REEP5: variants seen among roughly 807,000 people sequenced by gnomAD.
REEP5 encodes the protein receptor expression-enhancing protein 5.
A neutral mutation model predicts 22.4 loss-of-function variants in REEP5; 24 were observed. The ratio of observed to expected loss-of-function variants is 1.07; its 90% CI spans 0.78 to 1.51. The LOEUF (loss-of-function observed/expected upper bound fraction) is 1.51. Among genes scored for constraint, REEP5 ranks in the 40% most tolerant of loss-of-function variants. REEP5 has a pLI of 0.00. For missense variants in REEP5, 252 were observed against 233.0 expected (o/e 1.08, Z -0.53); for synonymous variants, 103 against 88.6 (o/e 1.16, Z -0.92).
At chr5:112,892,249 A>G (rs766355052) in intron 3 of REEP5, 1 of 1,614,010 alleles carries the variant, frequency 6.2e-7, no homozygotes, top group African/African-American at 1.3e-5. Context: ...ATCTAGTCCT[A>G]CCCTTCTTAT....
chr5:112,899,811 GT>G (rs1318622157), intron 3 of REEP5, among the ~76,000 whole-genome samples: 1 of 152,192 alleles, frequency 6.6e-6, no homozygotes, highest in African/African-American at 2.4e-5. Context: ...GACTAAAAGT[GT>G]TTCGGGTTTC....
intron 3 of REEP5, among the ~76,000 whole-genome samples, chr5:112,887,860 A>G (rs950427564): frequency 6.6e-6 from 1 of 152,150 alleles, no homozygotes; most frequent in African/African-American, 2.4e-5. Flanking sequence ...TGTCCAAAAA[A>G]TTTTTACTGT....
At chr5:112,892,863 G>C (rs61733662) in intron 3 of REEP5, 7 of 1,613,332 alleles carry the variant, frequency 4.3e-6, no homozygotes, top group Middle Eastern at 1.7e-4. Flanking sequence ...GTAGTCATAG[G>C]GGGAAGAAAT....
chr5:112,901,997 AAGAC>A lies in REEP5; in HGVS notation c.351+379_351+382del, dbSNP rs1768860428. ...AAAAAAAAAAAAAAGGCTAAGACCA[AAGAC>A]AAAAAGAATTATATATCCATAATTA... is the stretch of plus-strand genomic sequence containing the variant. On this transcript the variant is annotated intron_variant, in intron 3 of 4. Coordinates refer to ENST00000379638, the MANE Select transcript of REEP5 (RefSeq NM_005669.5). Among the ~76,000 whole-genome samples the A allele has an allele frequency of 3.3e-5, 5 of 151,974 alleles. No individual in the cohort carries two copies. In the South Asian group the frequency reaches 1.0e-3, roughly 32 times the overall value.
chr5:112,876,489 C>T lies in REEP5; in HGVS notation c.*2297G>A, dbSNP rs1253264607. The T allele has an allele frequency of 1.3e-5, 2 of 152,212 alleles. No homozygotes were observed. The highest frequency in any genetic ancestry group is 2.9e-5 in the Non-Finnish European group (2 of 68,046). The allele number at this position is 152,212 out of a possible 1,614,324, so 9.4% of individuals were successfully genotyped here. A position where few individuals can be genotyped will look rare whatever the true frequency, so the allele number is the denominator to read the frequency against. ...TGAAGGGTGTGCTCATTTTCTTCAG[C>T]TGTGAGTAGAGGAGTCTTCCCGAGA... is the stretch of plus-strand genomic sequence containing the variant. On this transcript the variant is annotated 3_prime_UTR_variant, in exon 5 of 5. Transcript: ENST00000379638.
Position 112,893,114 on chromosome 5 carries a change from A to G in REEP5, c.352-5931T>C, listed in dbSNP as rs1199027778. ...GTTCTTAAAAAAAAAAAAAAAAAAA[A>G]AAAGAATGGACCAGGCCAGGTATAG... On this transcript the variant is annotated intron_variant, in intron 3 of 4. Coordinates refer to ENST00000379638, the MANE Select transcript of REEP5 (RefSeq NM_005669.5). 3 of 909,808 alleles carry G rather than the reference A, an allele frequency of 3.3e-6. 1 individual carries two copies. The highest frequency in any genetic ancestry group is 3.6e-5 in the African/African-American group (2 of 56,322). The allele number at this position is 909,808 out of a possible 1,614,324, so 56.4% of individuals were successfully genotyped here.
At chr5:112,920,342 G>C (rs1040635079) in intron 2 of REEP5, among the ~76,000 whole-genome samples, 1 of 152,066 alleles carries the variant, frequency 6.6e-6, no homozygotes, top group African/African-American at 2.4e-5. Flanking sequence ...TTATCCCTAT[G>C]GTTGAAGAAA....
chr5:112,896,720 GGTCAGGA>G (rs1768690649), intron 3 of REEP5: 3 of 151,838 alleles, frequency 2.0e-5, no homozygotes. Flanking sequence ...TGGATCACAA[GGTCAGGA>G]GTTGAGACCA....
chr5:112,903,090 C>G (rs1768884920), intron 2 of REEP5, among the ~76,000 whole-genome samples: 1 of 152,214 alleles, frequency 6.6e-6, no homozygotes, highest in Non-Finnish European at 1.5e-5. Context: ...TATGGACTTT[C>G]CTCCTCTCCT....
chr5:112,907,302 A>G (rs1768977078), intron 2 of REEP5, among the ~76,000 whole-genome samples: 1 of 152,198 alleles, frequency 6.6e-6, no homozygotes, highest in Admixed American at 6.5e-5. Flanking sequence ...TGGGCTCAGA[A>G]CTAACACACC....
chr5:112,893,128 G>C (rs1768551620), intron 3 of REEP5: 10 of 903,396 alleles, frequency 1.1e-5, no homozygotes, highest in Non-Finnish European at 1.6e-5. Flanking sequence ...GAATGGACCA[G>C]GCCAGGTATA....
rs774430869 is a variant in REEP5, at chr5:112,902,390, T to C, written c.341A>G (p.Tyr114Cys). ...GCAAGACCAACATACCTTCAGCATG[T>C]AGTAGAAGGGGAACCATGACAGGAA... ...DIFLSWFPFY[Y>C]MLKCGFLLWC... Residue 114 changes from tyrosine (Y) to cysteine (C), a missense_variant, in exon 3 of 5, where the codon TAC becomes TGC. Transcript: ENST00000379638. 1.9e-6 allele frequency: 3 copies of C among 1,611,538 alleles called. No homozygotes were observed. Among genetic ancestry groups the C allele is most frequent in the South Asian group, 1.1e-5 (1 of 90,542 alleles).
chr5:112,885,066 CTG>C, intron 4 of REEP5: 1 of 155,662 alleles, frequency 6.4e-6, no homozygotes, highest in South Asian at 1.9e-4. Flanking sequence ...ACCGATCAAT[CTG>C]AACTGAATCA....
intron 3 of REEP5, chr5:112,895,102 TGTG>T (rs1317256444): frequency 6.6e-6 from 1 of 151,696 alleles, no homozygotes; most frequent in Non-Finnish European, 1.5e-5. Context: ...AGCCGGGCAT[TGTG>T]GTGGGCACCC....
At chr5:112,895,993 G>C (rs540552838) in intron 3 of REEP5, 1 of 152,328 alleles carries the variant, frequency 6.6e-6, no homozygotes, top group Admixed American at 6.5e-5. Context: ...ATTCTATTCC[G>C]TCTGTGCTTC....
rs1271857701 is a variant in REEP5 at position 112,922,159 on chromosome 5, C to T, written c.32G>A (p.Arg11Gln). 1.9e-6 allele frequency: 3 copies of T among 1,608,014 alleles called. No homozygotes were observed. The highest frequency in any genetic ancestry group is 2.7e-5 in the African/African-American group (2 of 74,276). Residue 11 changes from arginine (R) to glutamine (Q), a missense_variant, in exon 1 of 5, where the codon CGG becomes CAG. Coordinates refer to ENST00000379638, the MANE Select transcript of REEP5 (RefSeq NM_005669.5). MSAAMRERFD[R>Q]FLHEKNCMTD... The stretch of plus-strand genomic sequence containing the variant: ...CATGCAGTTCTTCTCGTGCAGGAAC[C>T]GGTCGAACCTCTCCCTCATGGCCGC...
At position 112,877,749 on chromosome 5, in the gene REEP5, T is replaced by TACAA. The variant is rs1030443599; in HGVS notation, c.*1033_*1036dup. 31 of 152,262 alleles carry TACAA rather than the reference T, an allele frequency of 2.0e-4. No individual in the cohort carries two copies. Among genetic ancestry groups the TACAA allele is most frequent in the African/African-American group, 4.8e-4 (20 of 41,542 alleles). The allele number at this position is 152,262 out of a possible 1,614,324, so 9.4% of individuals were successfully genotyped here. A position where few individuals can be genotyped will look rare whatever the true frequency, so the allele number is the denominator to read the frequency against. ...GTCATTAGCATGTTGTTGCTAATGA[T>TACAA]ACAAACAAGAACATACATGTAATCA... On this transcript the variant is annotated 3_prime_UTR_variant, in exon 5 of 5. Coordinates refer to ENST00000379638, the MANE Select transcript of REEP5 (RefSeq NM_005669.5).
At chr5:112,903,469 A>G (rs1368130319) in intron 2 of REEP5, among the ~76,000 whole-genome samples, 2 of 152,214 alleles carry the variant, frequency 1.3e-5, no homozygotes, top group Non-Finnish European at 2.9e-5. Flanking sequence ...AAGACTACAC[A>G]TTGGGTACAG....
chr5:112,883,878 C>T (rs762477816), intron 4 of REEP5, among the ~76,000 whole-genome samples: 2 of 152,132 alleles, frequency 1.3e-5, no homozygotes, highest in Admixed American at 6.6e-5. Flanking sequence ...CTAAAAAGCT[C>T]GTCCTTGTCC....
Sources: gnomAD v4.1 joint callset for allele counts (sites outside exome capture counted in the v4.1 genomes callset) on GRCh38, gnomAD v4.1.1 for gene constraint, MANE v1.5 for transcripts, NCBI Gene and HGNC (gene_info 2026-07-23, HGNC 2026-07-21) for gene names.